SLC44A2: variants seen among roughly 807,000 people sequenced by gnomAD.
The protein encoded by SLC44A2 is choline transporter-like protein 2.
A neutral mutation model predicts 90.8 loss-of-function variants in SLC44A2; 57 were observed. That is an observed-to-expected ratio of 0.63 (90% CI 0.51 to 0.78). The LOEUF (loss-of-function observed/expected upper bound fraction) is 0.78. SLC44A2 is among the 30% of genes least tolerant of loss of function. The pLI is 0.00. For missense variants in SLC44A2, 794 were observed against 919.7 expected (o/e 0.86, Z 1.77); for synonymous variants, 355 against 360.7 (o/e 0.98, Z 0.18).
intron 1 of SLC44A2, among the ~76,000 whole-genome samples, chr19:10,617,278 CG>C (rs996931121): frequency 1.3e-5 from 2 of 152,080 alleles, no homozygotes; most frequent in African/African-American, 4.8e-5. Context: ...TCCCATCCTG[CG>C]GGGTTTAGAT....
rs2067005010 is a variant in SLC44A2 at position 10,632,249 on chromosome 19, A to G, written c.823+93A>G. ...AATGGCCCATCAGGAAAACAAAAAA[A>G]AGTCAGGCCGGGCGTGGTGGCTCAC... On this transcript the variant is annotated intron_variant, in intron 10 of 21. Coordinates refer to ENST00000335757, the MANE Select transcript of SLC44A2 (RefSeq NM_020428.4). The G allele has an allele frequency of 2.3e-5, 28 of 1,234,766 alleles. No individual in the cohort carries two copies. In the South Asian group the frequency reaches 2.9e-4, roughly 13 times the overall value. 76.5% of individuals were successfully genotyped at this position (1,234,766 alleles called of 1,614,324 possible).
chr19:10,626,369 C>T (rs1452981970), intron 2 of SLC44A2, 68 bp downstream of exon 2: 6 of 1,194,130 alleles, frequency 5.0e-6, no homozygotes, highest in Admixed American at 1.7e-5. Context: ...CTTCACACCC[C>T]CTCCCATCTG....
At chr19:10,634,615 C>A in intron 10 of SLC44A2, 141 bp from the exon 11 acceptor site, 1 of 1,137,614 alleles carries the variant, frequency 8.8e-7, no homozygotes, top group Non-Finnish European at 1.3e-6. Context: ...GGAGAGAATG[C>A]ACCGGGCGGT....
At position 10,607,750 on chromosome 19, in the gene SLC44A2, ATT is replaced by A. The variant is rs1322222585; in HGVS notation, c.31+5201_31+5202del. 8.0e-3 allele frequency among the ~76,000 whole-genome samples: 705 copies of A among 88,456 alleles called. 3 individuals are homozygous for A. The highest frequency in any genetic ancestry group is 0.013 in the South Asian group (39 of 2,988). 58.0% of individuals were successfully genotyped at this position (88,456 alleles called of 152,430 possible). ...TCAATCATTTATTATTATTATTATTATTTTTTTTTTTTTGAGACGGAGTCTCA... is the reference window on the plus strand; with the variant it reads ...TCAATCATTTATTATTATTATTATTATTTTTTTTTTTGAGACGGAGTCTCA... On this transcript the variant is annotated intron_variant, in intron 1 of 21. Coordinates refer to the SLC44A2 transcript ENST00000407327.
At chr19:10,623,912 A>T (rs1599239535), upstream of SLC44A2, among the ~76,000 whole-genome samples, 1 of 148,974 alleles carries the variant, frequency 6.7e-6, no homozygotes, top group Admixed American at 6.7e-5. Flanking sequence ...CTGGTCTTGA[A>T]CTCCTGACCT....
chr19:10,622,597 T>G (rs147277096), upstream of SLC44A2, among the ~76,000 whole-genome samples: 2 of 151,668 alleles, frequency 1.3e-5, no homozygotes, highest in African/African-American at 4.8e-5. Context: ...AGCGGAGTCA[T>G]GGGATAATCA....
At chr19:10,616,909 GTTC>G (rs1287124079) in intron 1 of SLC44A2, among the ~76,000 whole-genome samples, 4 of 151,494 alleles carry the variant, frequency 2.6e-5, no homozygotes, top group African/African-American at 4.8e-5. Context: ...CGCCCAGCTT[GTTC>G]TTCTTATCTT....
Position 10,618,474 on chromosome 19 carries a change from C to CTTTTTT in SLC44A2, c.32-7761_32-7756dup, listed in dbSNP as rs3029799. Among the ~76,000 whole-genome samples the CTTTTTT allele has an allele frequency of 5.0e-4, 44 of 87,330 alleles. 2 individuals are homozygous for CTTTTTT. Among genetic ancestry groups the CTTTTTT allele is most frequent in the African/African-American group, 2.1e-3 (42 of 20,334 alleles). 57.3% of individuals were successfully genotyped at this position (87,330 alleles called of 152,430 possible). A position where few individuals can be genotyped will look rare whatever the true frequency, so the allele number is the denominator to read the frequency against. On this transcript the variant is annotated intron_variant, in intron 1 of 21. Coordinates refer to the SLC44A2 transcript ENST00000407327. The stretch of plus-strand genomic sequence containing the variant: ...ACAGGTGTAAGCCACTGCGCCCGGC[C>CTTTTTT]TTTTTTTTTTTTTTTTTTTTTTTGA...
intron 1 of SLC44A2, among the ~76,000 whole-genome samples, chr19:10,617,068 C>T (rs2066861145): frequency 6.6e-6 from 1 of 152,088 alleles, no homozygotes; most frequent in South Asian, 2.1e-4. Flanking sequence ...ACTACAGGCT[C>T]TCGCCACCAC....
upstream of SLC44A2, among the ~76,000 whole-genome samples, chr19:10,623,244 C>T (rs920378189): frequency 4.6e-5 from 7 of 152,062 alleles, no homozygotes; most frequent in Non-Finnish European, 1.0e-4. Flanking sequence ...GCGCCTCAGG[C>T]CTTGCCTGTG....
chr19:10,606,859 A>G (rs1249033947), intron 1 of SLC44A2, among the ~76,000 whole-genome samples: 1 of 111,766 alleles, frequency 8.9e-6, no homozygotes, highest in African/African-American at 3.2e-5. Context: ...ATACACATAC[A>G]CATATATATG....
At chr19:10,640,524 T>C (rs2067104361) in intron 20 of SLC44A2, among the ~76,000 whole-genome samples, 1 of 152,126 alleles carries the variant, frequency 6.6e-6, no homozygotes, top group Non-Finnish European at 1.5e-5. Flanking sequence ...AACTCTGGAC[T>C]CAAGGGATCC....
chr19:10,613,271 A>T (rs1476255167), intron 1 of SLC44A2, among the ~76,000 whole-genome samples: 1 of 145,640 alleles, frequency 6.9e-6, no homozygotes, highest in African/African-American at 2.5e-5. Context: ...TTTTTTTGAG[A>T]TGGAGTCTTG....
intron 21 of SLC44A2, chr19:10,642,985 G>A (rs1403275763): frequency 1.0e-5 from 16 of 1,582,656 alleles, no homozygotes; most frequent in South Asian, 2.2e-5. Flanking sequence ...AGGGGAGTGC[G>A]GAGGAGGGGA....
rs913678558 is a variant in SLC44A2, at chr19:10,625,725, G to T, written c.37+55G>T. 56 of 1,228,294 alleles carry T rather than the reference G, an allele frequency of 4.6e-5. No individual in the cohort carries two copies. In the East Asian group the frequency reaches 1.8e-3, roughly 39 times the overall value. The allele number at this position is 1,228,294 out of a possible 1,614,324, so 76.1% of individuals were successfully genotyped here. A position where few individuals can be genotyped will look rare whatever the true frequency, so the allele number is the denominator to read the frequency against. ...GGCCGACCCCTCGGTCCCTCGGAGG[G>T]GGCCTTGAGAGAACATGGGGCGCAG... On this transcript the variant is annotated intron_variant, in intron 1 of 21. Transcript: ENST00000335757.
intron 21 of SLC44A2, 125 bp downstream of exon 21, chr19:10,642,576 C>A: frequency 2.1e-6 from 2 of 930,494 alleles, no homozygotes; most frequent in Non-Finnish European, 3.4e-6. Context: ...TTGGCTGTCC[C>A]TCGTCCTGGG....
chr19:10,642,108 G>T (rs1439180452), intron 20 of SLC44A2, among the ~76,000 whole-genome samples: 4 of 149,978 alleles, frequency 2.7e-5, no homozygotes, highest in Admixed American at 2.0e-4. Flanking sequence ...AGTGAGCCAA[G>T]ATCGTACCAT....
At chr19:10,639,883 A>ATC in intron 20 of SLC44A2, among the ~76,000 whole-genome samples, 1 of 152,018 alleles carries the variant, frequency 6.6e-6, no homozygotes, top group Admixed American at 6.5e-5. Context: ...TCTCTCTCAA[A>ATC]AAAAAAAAAG....
At chr19:10,642,761 G>T in intron 21 of SLC44A2, 1 of 1,179,300 alleles carries the variant, frequency 8.5e-7, no homozygotes, top group Non-Finnish European at 1.2e-6. Context: ...CTCTCCATCT[G>T]TTTTTTTTGT....
Sources: gnomAD v4.1 joint callset for allele counts (sites outside exome capture counted in the v4.1 genomes callset) on GRCh38, gnomAD v4.1.1 for gene constraint, MANE v1.5 for transcripts, NCBI Gene and HGNC (gene_info 2026-07-23, HGNC 2026-07-21) for gene names.